The following NEMP2 variants were observed in gnomAD, a reference collection of about 807,000 sequenced individuals.
NEMP2 encodes nuclear envelope integral membrane protein 2.
In NEMP2, 53 loss-of-function variants were observed where a neutral mutation model predicts 54.2. That is an observed-to-expected ratio of 0.98 (90% CI 0.78 to 1.23). The LOEUF is 1.23. Ranked by LOEUF, NEMP2 falls within the 50% of genes most tolerant of loss-of-function variation. The pLI, the probability that NEMP2 is intolerant of heterozygous loss-of-function variation, is 0.00. For missense variants in NEMP2, 455 were observed against 511.3 expected (o/e 0.89, Z 1.06); for synonymous variants, 197 against 190.3 (o/e 1.04, Z -0.29).
chr2:190,422,523 T>A, the NEMP2 span, among the ~76,000 whole-genome samples: 1 of 152,232 alleles, frequency 6.6e-6, no homozygotes, highest in Admixed American at 6.5e-5. Context: ...TAAACTCAAG[T>A]AATAATTTGG....
chr2:190,582,162 T>G, the NEMP2 span, among the ~76,000 whole-genome samples: 1 of 152,200 alleles, frequency 6.6e-6, no homozygotes, highest in Non-Finnish European at 1.5e-5. The surrounding 1 kb of genome is among the most constrained non-coding windows in gnomAD (Gnocchi z 4.6). Flanking sequence ...GAGAGTCAAT[T>G]GAGGCCTCTG....
At chr2:190,436,706 TGCA>T in the NEMP2 span, 2 of 1,614,252 alleles carry the variant, frequency 1.2e-6, no homozygotes. This position sits in a 1 kb window ranked among gnomAD's most constrained non-coding sequence, Gnocchi z 5.3. Context: ...GAACCCACTC[TGCA>T]GCCCCAGACA....
the NEMP2 span, among the ~76,000 whole-genome samples, chr2:190,573,784 G>A: frequency 6.6e-6 from 1 of 152,092 alleles, no homozygotes; most frequent in Non-Finnish European, 1.5e-5. Context: ...ATTTTTATGG[G>A]TCCTTTTGCA....
the NEMP2 span, among the ~76,000 whole-genome samples, chr2:190,544,930 CAAAA>C: frequency 1.2e-4 from 11 of 90,750 alleles, no homozygotes; most frequent in East Asian, 3.2e-4. Context: ...TCTACCCCCG[CAAAA>C]AAAAAAAAAA....
the NEMP2 span, among the ~76,000 whole-genome samples, chr2:190,452,573 ACC>A: frequency 6.6e-6 from 1 of 152,302 alleles, no homozygotes; most frequent in Non-Finnish European, 1.5e-5. Context: ...CTCAGCTGCT[ACC>A]TTATAGCTTC....
At chr2:190,461,896 G>C in the NEMP2 span, among the ~76,000 whole-genome samples, 1 of 152,020 alleles carries the variant, frequency 6.6e-6, no homozygotes, top group Non-Finnish European at 1.5e-5. This position sits in a 1 kb window ranked among gnomAD's most constrained non-coding sequence, Gnocchi z 5.5. Flanking sequence ...AGAACAATCT[G>C]AGAGCAGAAG....
chr2:190,581,640 G>A, the NEMP2 span, among the ~76,000 whole-genome samples: 20 of 152,046 alleles, frequency 1.3e-4, no homozygotes, highest in African/African-American at 4.1e-4. Flanking sequence ...GTTCTATTGA[G>A]TTATAAATAT....
the NEMP2 span, among the ~76,000 whole-genome samples, chr2:190,549,712 C>G: frequency 6.6e-6 from 1 of 152,086 alleles, no homozygotes; most frequent in African/African-American, 2.4e-5. Context: ...TTGACATATC[C>G]TAGTAAATTT....
chr2:190,599,301 C>A, the NEMP2 span, among the ~76,000 whole-genome samples: 5 of 152,086 alleles, frequency 3.3e-5, no homozygotes, highest in African/African-American at 1.2e-4. Flanking sequence ...TGTTTCCTGT[C>A]ACTATTTACT....
the NEMP2 span, among the ~76,000 whole-genome samples, chr2:190,447,569 A>G: frequency 6.6e-6 from 1 of 152,250 alleles, no homozygotes; most frequent in African/African-American, 2.4e-5. This position sits in a 1 kb window ranked among gnomAD's most constrained non-coding sequence, Gnocchi z 4.5. Flanking sequence ...AATTGCTTAT[A>G]TACTTCTTAG....
the NEMP2 span, chr2:190,437,567 A>G: frequency 2.5e-6 from 4 of 1,607,848 alleles, no homozygotes; most frequent in African/African-American, 2.7e-5. This position sits in a 1 kb window ranked among gnomAD's most constrained non-coding sequence, Gnocchi z 5.9. Flanking sequence ...ATCAGGTAAG[A>G]ACATGCTTAC....
At chr2:190,643,860 G>A in the NEMP2 span, among the ~76,000 whole-genome samples, 6 of 152,242 alleles carry the variant, frequency 3.9e-5, no homozygotes, top group East Asian at 9.7e-4. Flanking sequence ...GGGAGGTTGA[G>A]GCTGCAGTGA....
At chr2:190,587,951 T>C in the NEMP2 span, among the ~76,000 whole-genome samples, 2 of 152,086 alleles carry the variant, frequency 1.3e-5, no homozygotes, top group Non-Finnish European at 2.9e-5. This position sits in a 1 kb window ranked among gnomAD's most constrained non-coding sequence, Gnocchi z 5.4. Flanking sequence ...ACATCTACAC[T>C]GAGCATGAAA....
In NEMP2 at chr2:190,507,355, C is replaced by T. The variant is rs1690214849; in HGVS notation, c.*1834G>A. On this transcript the variant is annotated 3_prime_UTR_variant, in exon 9 of 9. Coordinates refer to ENST00000409150, the MANE Select transcript of NEMP2 (RefSeq NM_001142645.2). The surrounding 1 kb of genome is among the most constrained non-coding windows in gnomAD (Gnocchi z 4.4). The stretch of plus-strand genomic sequence containing the variant: ...CTCTTCCCCCTGGCCCAGCGGCTGT[C>T]CTGGCTGGGATGTACCTGGCAGCCC... 1 of 152,184 alleles carries T rather than the reference C, an allele frequency of 6.6e-6. No homozygotes were observed. Among genetic ancestry groups the T allele is most frequent in the Non-Finnish European group, 1.5e-5 (1 of 68,064 alleles). The allele number at this position is 152,184 out of a possible 1,614,324, so 9.4% of individuals were successfully genotyped here.
At chr2:190,532,920 T>C (rs963730600) in intron 1 of NEMP2, among the ~76,000 whole-genome samples, 20 of 152,158 alleles carry the variant, frequency 1.3e-4, no homozygotes, top group Admixed American at 4.6e-4. Context: ...CCATTCTTCT[T>C]AGCTGTGGAC....
the NEMP2 span, chr2:190,469,834 C>A: frequency 6.2e-7 from 1 of 1,607,572 alleles, no homozygotes; most frequent in Non-Finnish European, 8.5e-7. This position sits in a 1 kb window ranked among gnomAD's most constrained non-coding sequence, Gnocchi z 5.3. Context: ...CTGGACTGTT[C>A]TCCCCATGGA....
the NEMP2 span, among the ~76,000 whole-genome samples, chr2:190,476,806 T>C: frequency 2.0e-5 from 3 of 152,014 alleles, no homozygotes; most frequent in African/African-American, 4.8e-5. Flanking sequence ...AACCAACCCA[T>C]ATGTCCAACA....
chr2:190,450,752 G>C, the NEMP2 span, among the ~76,000 whole-genome samples: 2 of 151,990 alleles, frequency 1.3e-5, no homozygotes, highest in Non-Finnish European at 1.5e-5. Context: ...CTCAGCCTCC[G>C]AAAGTGCTGG....
In NEMP2 at chr2:190,510,281, A is replaced by G; in HGVS notation, c.1130+80T>C. On this transcript the variant is annotated intron_variant, in intron 8 of 8. Coordinates refer to ENST00000409150, the MANE Select transcript of NEMP2 (RefSeq NM_001142645.2). The surrounding 1 kb of genome is among the most constrained non-coding windows in gnomAD (Gnocchi z 5.7). ...GGGAAACAGTCTATTTCTACCCTGA[A>G]GTGCCTGTACCAAACCATCATATTA... 6.8e-7 allele frequency: 1 copy of G among 1,478,172 alleles called. No homozygotes were observed. The highest frequency in any genetic ancestry group is 9.2e-7 in the Non-Finnish European group (1 of 1,092,672). The allele number at this position is 1,478,172 out of a possible 1,614,324, so 91.6% of individuals were successfully genotyped here.
Sources: gnomAD v4.1 joint callset for allele counts (sites outside exome capture counted in the v4.1 genomes callset) on GRCh38, gnomAD v4.1.1 for gene constraint, Gnocchi (gnomAD v3.1) non-coding constraint, MANE v1.5 for transcripts, NCBI Gene and HGNC (gene_info 2026-07-23, HGNC 2026-07-21) for gene names.